USP8: variants seen among roughly 807,000 people sequenced by gnomAD.
USP8 encodes the protein ubiquitin specific peptidase 8.
A neutral mutation model predicts 130.0 loss-of-function variants in USP8; 27 were observed. The observed-to-expected ratio is 0.21, with a 90% confidence interval of 0.15 to 0.29. The LOEUF (loss-of-function observed/expected upper bound fraction) is 0.29, where lower values mean the gene tolerates loss of function less well. USP8 is among the 10% of genes least tolerant of loss of function. The probability of loss-of-function intolerance (pLI) is 1.00; values close to 1 mark genes in which losing one functional copy is unlikely to be tolerated. For synonymous variants in USP8, 392 were observed against 444.1 expected, an observed-to-expected ratio of 0.88 and a Z score of 1.48; for missense variants, 1,029 against 1,312.2, an observed-to-expected ratio of 0.78 and a Z score of 3.33.
Position 50,456,573 on chromosome 15 carries a change from C to CAA in USP8, c.336-2411_336-2410dup, listed in dbSNP as rs36014118. ...CAGGTGACAGTGTGAGACTCCGTCT[C>CAA]AAAAAAAAAAAAAAAAATTAACTGC... On this transcript the variant is annotated intron_variant, in intron 4 of 19. Transcript: ENST00000307179. Among the ~76,000 whole-genome samples the CAA allele has an allele frequency of 2.7e-3, 279 of 104,864 alleles. 3 individuals carry two copies. The highest frequency in any genetic ancestry group is 0.012 in the African/African-American group (272 of 23,304). The allele number at this position is 104,864 out of a possible 152,430, so 68.8% of individuals were successfully genotyped here. A position where few individuals can be genotyped will look rare whatever the true frequency, so the allele number is the denominator to read the frequency against.
At chr15:50,428,818 G>C (rs1478693240) in intron 1 of USP8, among the ~76,000 whole-genome samples, 1 of 151,968 alleles carries the variant, frequency 6.6e-6, no homozygotes, top group Non-Finnish European at 1.5e-5. Context: ...TCACCTTTTT[G>C]CTTAAAGGAA....
Position 50,513,965 on chromosome 15 carries a change from T to A in USP8, c.*14877T>A, listed in dbSNP as rs967483451. On this transcript the variant is annotated 3_prime_UTR_variant, in exon 20 of 20. Coordinates refer to ENST00000307179, the MANE Select transcript of USP8 (RefSeq NM_005154.5). ...CACTATGTTCACCAAAAAACAAGAA[T>A]GTTTATAGCAACCCTCTTTGCATTA... 4 of 152,192 alleles carry A rather than the reference T, an allele frequency of 2.6e-5. No individual in the cohort carries two copies. 9.4% of individuals were successfully genotyped at this position (152,192 alleles called of 1,614,324 possible). A position where few individuals can be genotyped will look rare whatever the true frequency, so the allele number is the denominator to read the frequency against.
intron 2 of USP8, among the ~76,000 whole-genome samples, chr15:50,440,720 T>G (rs2050226497): frequency 6.6e-6 from 1 of 151,944 alleles, no homozygotes; most frequent in Non-Finnish European, 1.5e-5. Flanking sequence ...TGCGCAACCT[T>G]GGCTAGGCGC....
intron 11 of USP8, among the ~76,000 whole-genome samples, 187 bp from the exon 12 acceptor site, chr15:50,484,088 T>G (rs973082294): frequency 1.3e-5 from 2 of 152,138 alleles, no homozygotes; most frequent in African/African-American, 4.8e-5. Context: ...CTTCACTGAT[T>G]CATCAGAGTT....
chr15:50,485,795 A>C (rs1009048335), intron 12 of USP8, among the ~76,000 whole-genome samples: 28 of 151,924 alleles, frequency 1.8e-4, no homozygotes, highest in African/African-American at 6.8e-4. Flanking sequence ...CTCATACCAA[A>C]ATCTGAGGAT....
chr15:50,427,558 ATTTTT>A (rs59709410), intron 1 of USP8, among the ~76,000 whole-genome samples: 9 of 106,538 alleles, frequency 8.4e-5, no homozygotes, highest in African/African-American at 2.5e-4. Context: ...AGCCGTACTA[ATTTTT>A]TTTTTTTTTT....
At chr15:50,471,600 T>A in intron 7 of USP8, 33 bp from the exon 8 acceptor site, 2 of 1,601,744 alleles carry the variant, frequency 1.2e-6, no homozygotes, top group Non-Finnish European at 1.7e-6. Context: ...TCTTGTTGAC[T>A]TTTGCCCCAA....
chr15:50,457,673 G>GGT (rs1555386230), intron 4 of USP8, among the ~76,000 whole-genome samples: 2,331 of 151,326 alleles, frequency 0.015, 61 homozygotes, highest in African/African-American at 0.054. Flanking sequence ...GACAAGCCTG[G>GGT]CCACATGGTG....
intron 1 of USP8, among the ~76,000 whole-genome samples, chr15:50,426,442 G>GT (rs1266289486): frequency 1.3e-5 from 2 of 152,156 alleles, no homozygotes; most frequent in African/African-American, 4.8e-5. Context: ...TATCTCTCCT[G>GT]TTTCTCTGGC....
In USP8 at chr15:50,481,695, A is replaced by G. The variant is rs2051777313; in HGVS notation, c.1433A>G (p.Gln478Arg). Residue 478 changes from glutamine (Q) to arginine (R), a missense_variant, in exon 11 of 20, where the codon CAA becomes CGA. Gln to Arg is a conservative substitution (Grantham distance 43). This residue lies in a region of USP8 where 486 missense variants were observed against 522.0 expected (regional missense o/e 0.93). Coordinates refer to ENST00000307179, the MANE Select transcript of USP8 (RefSeq NM_005154.5). ...GCTCTTCTAATGGAAAAAAACAAAC[A>G]AGAAAAAGAACTTCGGGAAAGGCAG... ...ETALLMEKNK[Q>R]EKELRERQQE... 1 of 1,612,174 alleles carries G rather than the reference A, an allele frequency of 6.2e-7. No homozygotes were observed. Among genetic ancestry groups the G allele is most frequent in the Non-Finnish European group, 8.5e-7 (1 of 1,179,726 alleles).
intron 1 of USP8, among the ~76,000 whole-genome samples, chr15:50,433,141 C>T (rs1470724789): frequency 1.3e-5 from 2 of 151,812 alleles, no homozygotes; most frequent in Non-Finnish European, 2.9e-5. Flanking sequence ...ACTTGGGAGG[C>T]TGAGGCTGCT....
intron 6 of USP8, 126 bp downstream of exon 6, chr15:50,462,448 A>G (rs2051041215): frequency 1.3e-6 from 1 of 779,320 alleles, no homozygotes; most frequent in African/African-American, 1.8e-5. Context: ...AAGCTTTATC[A>G]TTTTTCCTAG....
At chr15:50,471,859 G>T in intron 8 of USP8, 64 bp downstream of exon 8, 8 of 1,437,764 alleles carry the variant, frequency 5.6e-6, no homozygotes, top group South Asian at 1.2e-5. Flanking sequence ...AGAAAGGCAT[G>T]TTAACTAGTT....
intron 4 of USP8, among the ~76,000 whole-genome samples, chr15:50,454,126 A>G (rs2050713304): frequency 6.6e-6 from 1 of 152,110 alleles, no homozygotes; most frequent in Non-Finnish European, 1.5e-5. Context: ...GGCCTCCCAA[A>G]GTGCTGCGAT....
chr15:50,448,903 T>C (rs566616328), intron 3 of USP8, among the ~76,000 whole-genome samples: 2 of 152,344 alleles, frequency 1.3e-5, no homozygotes, highest in South Asian at 4.1e-4. Context: ...TTGTTTTATG[T>C]ATCAAAAGTG....
intron 3 of USP8, among the ~76,000 whole-genome samples, chr15:50,445,567 A>AAAAAAAAAAAAC (rs2050405560): frequency 1.7e-5 from 2 of 119,332 alleles, no homozygotes; most frequent in Non-Finnish European, 1.7e-5. Context: ...AAAAAAAAAA[A>AAAAAAAAAAAAC]AAGCCTGGGC....
chr15:50,498,786 T>A, intron 19 of USP8, 58 bp downstream of exon 19: 4 of 1,562,950 alleles, frequency 2.6e-6, no homozygotes, highest in Non-Finnish European at 3.5e-6. Context: ...AAAAAAGTTT[T>A]AAGTGGTTTC....
rs749535884 is a variant in USP8, at chr15:50,465,031, C to G, written c.542-16C>G. On this transcript the variant is annotated splice_polypyrimidine_tract_variant and intron_variant, in intron 6 of 19. Coordinates refer to ENST00000307179, the MANE Select transcript of USP8 (RefSeq NM_005154.5). The stretch of plus-strand genomic sequence containing the variant: ...TGCTGTTTCTTGTCACTTACACTGT[C>G]TCTCTCAATTCCAAGGAGCAATCAC... 3.1e-6 allele frequency: 5 copies of G among 1,612,152 alleles called. No homozygotes were observed. In the South Asian group the frequency reaches 4.4e-5, roughly 14 times the overall value.
In USP8 at chr15:50,501,715, A is replaced by C. The variant is rs1258554721; in HGVS notation, c.*2627A>C. 1 of 152,162 alleles carries C rather than the reference A, an allele frequency of 6.6e-6. No homozygotes were observed. The highest frequency in any genetic ancestry group is 1.5e-5 in the Non-Finnish European group (1 of 68,030). 9.4% of individuals were successfully genotyped at this position (152,162 alleles called of 1,614,324 possible). A position where few individuals can be genotyped will look rare whatever the true frequency, so the allele number is the denominator to read the frequency against. ...GTATTGTTTGGAACAAAGGCATTAG[A>C]GAGGTGTACTTCCAAGGAGGTGTTA... is the stretch of plus-strand genomic sequence containing the variant. On this transcript the variant is annotated 3_prime_UTR_variant, in exon 20 of 20. Transcript: ENST00000307179.
Sources: gnomAD v4.1 joint callset for allele counts (sites outside exome capture counted in the v4.1 genomes callset) on GRCh38, gnomAD v4.1.1 for gene constraint, gnomAD v4.1.1 regional missense constraint, MANE v1.5 for transcripts, NCBI Gene and HGNC (gene_info 2026-07-23, HGNC 2026-07-21) for gene names.